The following TRPS1 variants were observed in gnomAD, a reference collection of about 807,000 sequenced individuals.
TRPS1 encodes zinc finger transcription factor Trps1.
In TRPS1, 6 loss-of-function variants were observed where a neutral mutation model predicts 101.2. That is an observed-to-expected ratio of 0.06 (90% CI 0.03 to 0.12). The LOEUF (loss-of-function observed/expected upper bound fraction) is 0.12, where lower values mean the gene tolerates loss of function less well. Among genes scored for constraint, TRPS1 ranks in the 10% least tolerant of loss-of-function variants. TRPS1 has a pLI of 1.00. For synonymous variants in TRPS1, 578 were observed against 589.8 expected, an observed-to-expected ratio of 0.98 and a Z score of 0.29; for missense variants, 1,363 against 1,567.0, an observed-to-expected ratio of 0.87 and a Z score of 2.20.
Position 115,604,251 on chromosome 8 carries a change from G to A in TRPS1, c.1718C>T (p.Thr573Ile), listed in dbSNP as rs2130491431. 4.3e-6 allele frequency: 7 copies of A among 1,614,084 alleles called. No homozygotes were observed. The highest frequency in any genetic ancestry group is 5.9e-6 in the Non-Finnish European group (7 of 1,180,002). The change falls in exon 4 of 7, where the codon ACC becomes ATC. Residue 573 changes from threonine (T) to isoleucine (I), a missense_variant. Physicochemically the swap from Thr to Ile is moderately conservative, Grantham distance 89. Around this residue, in one of 5 missense-constraint regions of TRPS1, gnomAD observed 1,020 missense variants for 1,073.0 expected, o/e 0.95. Coordinates refer to ENST00000395715, the MANE Select transcript of TRPS1 (RefSeq NM_014112.5). The surrounding 1 kb of genome is among the most constrained non-coding windows in gnomAD (Gnocchi z 4.1). ...YQQLHNIHKCTIKHCPFCPRG... is the reference protein window; with the variant it reads ...YQQLHNIHKCIIKHCPFCPRG... ...GGGACAGAATGGACAGTGTTTAATG[G>A]TACACTTGTGAATGTTATGGAGCTG...
intron 1 of TRPS1, among the ~76,000 whole-genome samples, chr8:115,653,167 A>G (rs1003564608): frequency 2.6e-5 from 4 of 152,340 alleles, no homozygotes; most frequent in African/African-American, 9.6e-5. Context: ...GATATTTTAC[A>G]TACAGGGGGA....
chr8:115,511,126 C>A (rs1433455782), intron 5 of TRPS1: 5 of 151,766 alleles, frequency 3.3e-5, no homozygotes, highest in Non-Finnish European at 7.4e-5. Context: ...TATTGTCTTT[C>A]TGGTGGAGAA....
chr8:115,599,224 CTT>C (rs900344116), intron 4 of TRPS1, among the ~76,000 whole-genome samples: 37 of 152,130 alleles, frequency 2.4e-4, no homozygotes, highest in South Asian at 6.2e-4. Flanking sequence ...CATTTGCTCT[CTT>C]TGTCTAATAT....
chr8:115,623,803 A>G (rs1818448548), intron 1 of TRPS1, 45 bp from the exon 2 acceptor site: 1 of 1,410,722 alleles, frequency 7.1e-7, no homozygotes, highest in South Asian at 1.6e-5. Context: ...TAAATGATGT[A>G]AACATATTTT....
intron 4 of TRPS1, among the ~76,000 whole-genome samples, chr8:115,600,148 C>G (rs555167479): frequency 6.6e-6 from 1 of 152,144 alleles, no homozygotes; most frequent in Non-Finnish European, 1.5e-5. Flanking sequence ...TTGCGAAGTG[C>G]CTGTTCATAT....
At chr8:115,540,200 C>T (rs915518255) in intron 5 of TRPS1, among the ~76,000 whole-genome samples, 1 of 152,090 alleles carries the variant, frequency 6.6e-6, no homozygotes, top group African/African-American at 2.4e-5. Context: ...ACAATGGACA[C>T]ATTTAACAGC....
chr8:115,595,566 C>T (rs1261689395), intron 4 of TRPS1, among the ~76,000 whole-genome samples: 1 of 151,846 alleles, frequency 6.6e-6, no homozygotes, highest in African/African-American at 2.4e-5. Context: ...GTGCTCACAT[C>T]TTCAAGTGGT....
intron 1 of TRPS1, among the ~76,000 whole-genome samples, chr8:115,655,858 T>C (rs1490927100): frequency 6.6e-6 from 1 of 152,130 alleles, no homozygotes; most frequent in African/African-American, 2.4e-5. Flanking sequence ...GTTAACAAGA[T>C]TCAAAATCAG....
chr8:115,556,300 T>C (rs1414984097), intron 5 of TRPS1, among the ~76,000 whole-genome samples: 1 of 152,154 alleles, frequency 6.6e-6, no homozygotes, highest in African/African-American at 2.4e-5. Flanking sequence ...TATGCCTGAA[T>C]GGCTGCTTTG....
chr8:115,664,327 C>A (rs541146929), intron 1 of TRPS1, among the ~76,000 whole-genome samples: 2 of 152,046 alleles, frequency 1.3e-5, no homozygotes, highest in African/African-American at 2.4e-5. Context: ...ACATGACAAG[C>A]ACTCTTAAAC....
intron 4 of TRPS1, among the ~76,000 whole-genome samples, chr8:115,590,165 TTAATC>T (rs1203276450): frequency 6.6e-6 from 1 of 152,058 alleles, no homozygotes; most frequent in Non-Finnish European, 1.5e-5. Context: ...ACATTCTAGT[TTAATC>T]TAACGGGAGA....
At chr8:115,416,329 A>G (rs1461179574) in intron 6 of TRPS1, among the ~76,000 whole-genome samples, 1 of 151,818 alleles carries the variant, frequency 6.6e-6, no homozygotes, top group Non-Finnish European at 1.5e-5. Context: ...AATCAAAGGA[A>G]TCAGTTTGAT....
chr8:115,432,434 T>G (rs763000765), intron 5 of TRPS1, among the ~76,000 whole-genome samples: 6 of 151,360 alleles, frequency 4.0e-5, no homozygotes, highest in Admixed American at 1.3e-4. Context: ...TTAACTTGTG[T>G]AGATATACAC....
rs1263447991 is a variant in TRPS1 at position 115,638,476 on chromosome 8, G to C, written c.-121-14718C>G. Among the ~76,000 whole-genome samples, 7 of 152,288 alleles carry C rather than the reference G, an allele frequency of 4.6e-5. No homozygotes were observed. In the South Asian group the frequency reaches 1.0e-3, roughly 23 times the overall value. ...GTACCTTTGGGCAGAAGCCAACACT[G>C]CCTTTAAGGCCCCAAAAATTGACAT... is the stretch of plus-strand genomic sequence containing the variant. On this transcript the variant is annotated intron_variant, in intron 1 of 6. Coordinates refer to ENST00000395715, the MANE Select transcript of TRPS1 (RefSeq NM_014112.5).
chr8:115,424,381 G>A (rs1362857772), intron 5 of TRPS1, among the ~76,000 whole-genome samples: 1 of 152,172 alleles, frequency 6.6e-6, no homozygotes, highest in Non-Finnish European at 1.5e-5. Context: ...CAATTTCAGT[G>A]GTAAATTAAG....
chr8:115,473,016 T>C (rs182270257), intron 5 of TRPS1, among the ~76,000 whole-genome samples: 1 of 152,308 alleles, frequency 6.6e-6, no homozygotes, highest in Non-Finnish European at 1.5e-5. Context: ...CACATCTTCC[T>C]GTCTTCTGAG....
intron 3 of TRPS1, among the ~76,000 whole-genome samples, chr8:115,606,375 T>A (rs1269983516): frequency 6.6e-6 from 1 of 152,224 alleles, no homozygotes; most frequent in Non-Finnish European, 1.5e-5. Flanking sequence ...ATGTCCAGTA[T>A]TATAGTTCTA....
At chr8:115,433,290 C>T (rs1813368343) in intron 5 of TRPS1, among the ~76,000 whole-genome samples, 1 of 151,560 alleles carries the variant, frequency 6.6e-6, no homozygotes, top group South Asian at 2.1e-4. Context: ...TGAAAAAAAA[C>T]ATAAATCAGG....
intron 5 of TRPS1, among the ~76,000 whole-genome samples, chr8:115,543,235 C>T (rs1173628619): frequency 1.3e-5 from 2 of 152,190 alleles, no homozygotes; most frequent in African/African-American, 4.8e-5. Flanking sequence ...GGAAAAGACA[C>T]AGCTTCCAGG....
Sources: allele counts gnomAD v4.1 joint callset (sites outside exome capture counted in the v4.1 genomes callset), GRCh38; gene constraint gnomAD v4.1.1; regional missense constraint gnomAD v4.1.1; non-coding constraint Gnocchi (gnomAD v3.1); transcripts MANE v1.5; gene names NCBI Gene and HGNC (gene_info 2026-07-23, HGNC 2026-07-21).